SEMA3A: variants seen among roughly 807,000 people sequenced by gnomAD.
SEMA3A encodes semaphorin 3A.
Under a neutral mutation model 97.9 loss-of-function variants are expected in SEMA3A, and 29 were observed. That is an observed-to-expected ratio of 0.30 (90% CI 0.22 to 0.40). The LOEUF is 0.40. Among genes scored for constraint, SEMA3A ranks in the 10% least tolerant of loss-of-function variants. SEMA3A has a pLI of 1.00. For missense variants in SEMA3A, 763 were observed against 951.3 expected (o/e 0.80, Z 2.60); for synonymous variants, 321 against 323.7 (o/e 0.99, Z 0.09).
intron 1 of SEMA3A, among the ~76,000 whole-genome samples, chr7:84,452,922 G>GA (rs1805594875): frequency 6.6e-6 from 1 of 152,022 alleles, no homozygotes; most frequent in Non-Finnish European, 1.5e-5. Context: ...CTTTTTTGGG[G>GA]GGGAAGTAAA....
intron 2 of SEMA3A, among the ~76,000 whole-genome samples, chr7:84,360,042 A>G (rs985971078): frequency 9.3e-5 from 14 of 150,860 alleles, no homozygotes; most frequent in African/African-American, 2.7e-4. Context: ...CTTCTTTATT[A>G]GTCTTGCTAG....
chr7:83,958,685 C>A lies in SEMA3A; in HGVS notation c.*2686G>T, dbSNP rs1232768309. The A allele has an allele frequency of 6.6e-6, 1 of 152,054 alleles. No homozygotes were observed. The highest frequency in any genetic ancestry group is 1.9e-4 in the East Asian group (1 of 5,166). 9.4% of individuals were successfully genotyped at this position (152,054 alleles called of 1,614,324 possible). A position where few individuals can be genotyped will look rare whatever the true frequency, so the allele number is the denominator to read the frequency against. On this transcript the variant is annotated 3_prime_UTR_variant, in exon 17 of 17. Transcript: ENST00000265362. ...CAAATTATTTACATCTTTTTTTTGC[C>A]TAATGTGTAGGTAGCAAAAATATTA...
At chr7:84,068,432 A>C (rs1327085788) in intron 4 of SEMA3A, among the ~76,000 whole-genome samples, 4 of 148,830 alleles carry the variant, frequency 2.7e-5, no homozygotes, top group Non-Finnish European at 4.4e-5. Context: ...ATTAAAAAAA[A>C]AAAAAAACTG....
intron 3 of SEMA3A, among the ~76,000 whole-genome samples, chr7:84,214,053 A>G (rs1456908210): frequency 6.6e-6 from 1 of 152,248 alleles, no homozygotes; most frequent in Non-Finnish European, 1.5e-5. Flanking sequence ...TACCTTAAGA[A>G]TAAACATTGC....
intron 1 of SEMA3A, among the ~76,000 whole-genome samples, chr7:84,462,722 T>A (rs572491855): frequency 1.3e-5 from 2 of 152,296 alleles, no homozygotes; most frequent in South Asian, 4.1e-4. Context: ...CTTTTTAGCA[T>A]GTAACCAAAC....
chr7:84,104,762 C>T (rs1056760171), intron 4 of SEMA3A, among the ~76,000 whole-genome samples: 1 of 145,422 alleles, frequency 6.9e-6, no homozygotes, highest in Non-Finnish European at 1.5e-5. Flanking sequence ...TTTAACAGTC[C>T]AAGCAAAAAT....
chr7:84,067,020 T>C (rs1359495561), intron 4 of SEMA3A, among the ~76,000 whole-genome samples: 1 of 152,076 alleles, frequency 6.6e-6, no homozygotes, highest in Non-Finnish European at 1.5e-5. Flanking sequence ...GACTTCAAAC[T>C]ATACTACAAG....
At chr7:84,375,669 C>T (rs991933448) in intron 1 of SEMA3A, among the ~76,000 whole-genome samples, 6 of 152,112 alleles carry the variant, frequency 3.9e-5, no homozygotes, top group Non-Finnish European at 7.4e-5. Context: ...TCACCTCAAA[C>T]ATTTATCATC....
intron 3 of SEMA3A, among the ~76,000 whole-genome samples, chr7:84,218,242 G>A (rs1196936208): frequency 6.6e-6 from 1 of 151,812 alleles, no homozygotes; most frequent in Non-Finnish European, 1.5e-5. Context: ...CAGATCTTTG[G>A]TCCTTGTCGA....
At chr7:84,273,157 A>G (rs1800195485) in intron 3 of SEMA3A, among the ~76,000 whole-genome samples, 1 of 152,148 alleles carries the variant, frequency 6.6e-6, no homozygotes, top group Admixed American at 6.6e-5. Flanking sequence ...ATGCCCAAAT[A>G]ACTAAGCAAT....
chr7:84,205,596 A>G (rs1798472805), intron 3 of SEMA3A, among the ~76,000 whole-genome samples: 1 of 152,210 alleles, frequency 6.6e-6, no homozygotes, highest in Non-Finnish European at 1.5e-5. Flanking sequence ...CCAGAAGTCT[A>G]GAAACAGTAT....
At chr7:84,119,558 G>A (rs140060210) in intron 3 of SEMA3A, among the ~76,000 whole-genome samples, 182 of 152,280 alleles carry the variant, frequency 1.2e-3, no homozygotes, top group Middle Eastern at 3.4e-3. Context: ...ATGTTTCTAA[G>A]TCAAGTAAAA....
chr7:84,399,829 G>C (rs565541437), intron 1 of SEMA3A, among the ~76,000 whole-genome samples: 2 of 152,234 alleles, frequency 1.3e-5, no homozygotes, highest in South Asian at 4.1e-4. Flanking sequence ...GCTGGTCTGG[G>C]AGACTCTGGG....
intron 4 of SEMA3A, among the ~76,000 whole-genome samples, chr7:84,075,371 C>T (rs926422302): frequency 2.0e-5 from 3 of 150,932 alleles, no homozygotes; most frequent in Admixed American, 6.6e-5. Flanking sequence ...GACGGCCAGG[C>T]TGGTCTTGAA....
intron 4 of SEMA3A, among the ~76,000 whole-genome samples, chr7:84,089,848 A>C (rs2115841419): frequency 6.6e-6 from 1 of 152,080 alleles, no homozygotes; most frequent in East Asian, 1.9e-4. Context: ...TATCAGACTA[A>C]ATTTTAAAGG....
chr7:84,424,508 AAATATTAATATATGTT>A (rs1401278995), intron 1 of SEMA3A, among the ~76,000 whole-genome samples: 6 of 86,772 alleles, frequency 6.9e-5, no homozygotes, highest in Admixed American at 2.0e-4. Context: ...TATAATATAT[AAATATTAATATATGTT>A]ATATATAATA....
chr7:84,273,677 G>T (rs376410437), intron 3 of SEMA3A, among the ~76,000 whole-genome samples: 1 of 152,094 alleles, frequency 6.6e-6, no homozygotes. Context: ...GGGAGCAATT[G>T]CATGGTGATT....
chr7:84,094,418 CT>C (rs1794691155), intron 4 of SEMA3A, among the ~76,000 whole-genome samples: 1 of 151,224 alleles, frequency 6.6e-6, no homozygotes, highest in Admixed American at 6.6e-5. Flanking sequence ...CAATAGCGTT[CT>C]TTTTATGTTA....
intron 9 of SEMA3A, among the ~76,000 whole-genome samples, chr7:84,008,390 C>A (rs557859356): frequency 6.7e-6 from 1 of 149,574 alleles, no homozygotes; most frequent in East Asian, 2.0e-4. Context: ...ACTCGGGAGG[C>A]TGAGGAAGGA....
Sources: allele counts gnomAD v4.1 joint callset (sites outside exome capture counted in the v4.1 genomes callset), GRCh38; gene constraint gnomAD v4.1.1; transcripts MANE v1.5; gene names NCBI Gene and HGNC (gene_info 2026-07-23, HGNC 2026-07-21).